The following PTH2R variants were observed in gnomAD, a reference collection of about 807,000 sequenced individuals.
PTH2R encodes PTH2 receptor.
In PTH2R, 59 loss-of-function variants were observed where a neutral mutation model predicts 60.3. The ratio of observed to expected loss-of-function variants is 0.98; its 90% CI spans 0.79 to 1.22. The LOEUF (loss-of-function observed/expected upper bound fraction) is 1.22. Ranked by LOEUF, PTH2R falls within the 50% of genes most tolerant of loss-of-function variation. The pLI, the probability that PTH2R is intolerant of heterozygous loss-of-function variation, is 0.00. For missense variants in PTH2R, 749 were observed against 682.6 expected (o/e 1.10, Z -1.08); for synonymous variants, 256 against 243.8 (o/e 1.05, Z -0.47).
chr2:208,362,377 TATCA>T (rs1273239408), intron 1 of PTH2R, among the ~76,000 whole-genome samples: 2 of 152,230 alleles, frequency 1.3e-5, no homozygotes, highest in African/African-American at 4.8e-5. Context: ...GATATCTATA[TATCA>T]ATCCCATAGA....
intron 1 of PTH2R, among the ~76,000 whole-genome samples, chr2:208,420,816 G>A (rs1701739843): frequency 6.6e-6 from 1 of 152,142 alleles, no homozygotes; most frequent in Admixed American, 6.5e-5. Flanking sequence ...ACTTGTGTGT[G>A]TGCACATGTA....
chr2:208,430,850 C>G (rs1003332360), intron 2 of PTH2R, among the ~76,000 whole-genome samples: 1 of 152,108 alleles, frequency 6.6e-6, no homozygotes, highest in African/African-American at 2.4e-5. Context: ...CAGGTGTGAG[C>G]CAGCATGCCC....
intron 1 of PTH2R, among the ~76,000 whole-genome samples, chr2:208,366,719 C>G (rs1254413821): frequency 1.3e-5 from 2 of 152,202 alleles, no homozygotes; most frequent in Non-Finnish European, 2.9e-5. Flanking sequence ...TACCTTGATT[C>G]ACACTTCCTC....
rs770145644 is a variant in PTH2R, at chr2:208,493,683, A to G, written c.*24A>G. On this transcript the variant is annotated 3_prime_UTR_variant, in exon 13 of 13. Coordinates refer to ENST00000272847, the MANE Select transcript of PTH2R (RefSeq NM_005048.4). ...GAATGGACATTTGTGGCTGACTTTC[A>G]TGGGCTGGTCCAATGGCTGGTTGTG... 9 of 1,527,824 alleles carry G rather than the reference A, an allele frequency of 5.9e-6. No homozygotes were observed. In the South Asian group the frequency reaches 1.0e-4, roughly 18 times the overall value. 94.6% of individuals were successfully genotyped at this position (1,527,824 alleles called of 1,614,324 possible).
Position 208,453,927 on chromosome 2 carries a change from C to T in PTH2R, c.914+3118C>T, listed in dbSNP as rs79494661. On this transcript the variant is annotated intron_variant, in intron 8 of 12. Transcript: ENST00000272847. ...TAAAGAAACAGTAACTTTTAAGGCC[C>T]GATCATTATATATAAACAGAAAAAA... is the stretch of plus-strand genomic sequence containing the variant. Among the ~76,000 whole-genome samples the T allele has an allele frequency of 3.3e-3, 501 of 152,228 alleles. 3 individuals carry two copies. Among genetic ancestry groups the T allele is most frequent in the African/African-American group, 0.012 (483 of 41,546 alleles).
chr2:208,483,723 G>A (rs960328424), intron 10 of PTH2R, among the ~76,000 whole-genome samples: 3 of 152,168 alleles, frequency 2.0e-5, no homozygotes, highest in African/African-American at 7.2e-5. Context: ...ACTAATAGAA[G>A]TCAGAAAAAG....
intron 1 of PTH2R, among the ~76,000 whole-genome samples, chr2:208,401,300 T>C (rs1157376690): frequency 6.6e-6 from 1 of 152,286 alleles, no homozygotes; most frequent in African/African-American, 2.4e-5. Context: ...ACCTGCCACC[T>C]GTATGTTCCA....
chr2:208,442,237 A>C, intron 4 of PTH2R, 127 bp from the exon 5 acceptor site: 1 of 710,014 alleles, frequency 1.4e-6, no homozygotes, highest in Admixed American at 2.3e-5. Context: ...ATTTTATTGC[A>C]TGCAAATTAC....
intron 7 of PTH2R, 96 bp from the exon 8 acceptor site, chr2:208,450,653 A>G: frequency 8.3e-7 from 1 of 1,208,944 alleles, no homozygotes. Context: ...TTATCTCTGA[A>G]CAGCTAATAG....
intron 8 of PTH2R, among the ~76,000 whole-genome samples, chr2:208,458,165 A>G (rs1402069615): frequency 1.3e-5 from 2 of 152,132 alleles, no homozygotes; most frequent in African/African-American, 4.8e-5. Flanking sequence ...CATGAGTAAA[A>G]CTTAATTTGA....
In PTH2R at chr2:208,459,959, G is replaced by A. The variant is rs1184229738; in HGVS notation, c.979G>A (p.Gly327Arg). 2 of 1,612,622 alleles carry A rather than the reference G, an allele frequency of 1.2e-6. No individual in the cohort carries two copies. Among genetic ancestry groups the A allele is most frequent in the East Asian group, 4.5e-5 (2 of 44,854 alleles). The change falls in exon 9 of 13, where the codon GGG (glycine) becomes AGG (arginine). Residue 327 changes from glycine (G) to arginine (R), a missense_variant and splice_region_variant. By Grantham distance (125) the Gly-to-Arg change is moderately radical (BLOSUM62 -2). Transcript: ENST00000272847. ...TCAAGCACCGATCTTAGCAGCTATT[G>A]GGGTAAGTTTAAAAGTTTGTATAGT... is the stretch of plus-strand genomic sequence containing the variant. ...IYQAPILAAI[G>R]LNFILFLNTV...
chr2:208,381,770 G>C (rs959080792), intron 1 of PTH2R, among the ~76,000 whole-genome samples: 1 of 152,084 alleles, frequency 6.6e-6, no homozygotes, highest in Non-Finnish European at 1.5e-5. Context: ...ACAGTGACTT[G>C]CTCTAATCAG....
intron 7 of PTH2R, 146 bp from the exon 8 acceptor site, chr2:208,450,603 A>C: frequency 1.4e-6 from 1 of 698,214 alleles, no homozygotes; most frequent in African/African-American, 1.8e-5. Context: ...AATTAAGTGG[A>C]CTTTTCTTGT....
chr2:208,387,164 G>A (rs1701017834), intron 1 of PTH2R, among the ~76,000 whole-genome samples: 1 of 152,082 alleles, frequency 6.6e-6, no homozygotes, highest in Non-Finnish European at 1.5e-5. Flanking sequence ...TGCAGAGATA[G>A]TGCTTTATAC....
At chr2:208,414,409 C>T (rs1701598479) in intron 1 of PTH2R, among the ~76,000 whole-genome samples, 1 of 152,086 alleles carries the variant, frequency 6.6e-6, no homozygotes, top group Admixed American at 6.6e-5. Context: ...TGTATTCAGT[C>T]TTGTGCATGT....
intron 1 of PTH2R, among the ~76,000 whole-genome samples, chr2:208,374,583 A>G (rs1046723103): frequency 6.6e-6 from 1 of 151,918 alleles, no homozygotes; most frequent in Non-Finnish European, 1.5e-5. Context: ...GCTCACTGCA[A>G]CCTCCACCTC....
At chr2:208,456,745 G>A (rs1029302188) in intron 8 of PTH2R, among the ~76,000 whole-genome samples, 7 of 152,136 alleles carry the variant, frequency 4.6e-5, no homozygotes, top group African/African-American at 1.7e-4. Context: ...GAAGGTTAAA[G>A]TTTATTAAAA....
In PTH2R at chr2:208,476,162, A is replaced by G. The variant is rs187136010; in HGVS notation, c.982-4908A>G. 2.2e-4 allele frequency among the ~76,000 whole-genome samples: 33 copies of G among 152,314 alleles called. No homozygotes were observed. The East Asian group carries it at 6.2e-3, about 28-fold the overall frequency. ...GTGCACTTTTCAAAATATGAAAAGA[A>G]AGGGACAAACAAGGTACATGCTTCT... On this transcript the variant is annotated intron_variant, in intron 9 of 12. Transcript: ENST00000272847.
chr2:208,374,726 G>A (rs1700762270), intron 1 of PTH2R, among the ~76,000 whole-genome samples: 2 of 151,886 alleles, frequency 1.3e-5, no homozygotes, highest in African/African-American at 2.4e-5. Flanking sequence ...GGCTGGTCTC[G>A]AACTCCTGAC....
Sources: allele counts gnomAD v4.1 joint callset (sites outside exome capture counted in the v4.1 genomes callset), GRCh38; gene constraint gnomAD v4.1.1; transcripts MANE v1.5; gene names NCBI Gene and HGNC (gene_info 2026-07-23, HGNC 2026-07-21).